The following ANO10 variants were observed in gnomAD, a reference collection of about 807,000 sequenced individuals.
ANO10 encodes anoctamin 10.
ANO10 carries 77 observed loss-of-function variants against 74.7 expected under a neutral mutation model. The observed-to-expected ratio is 1.03, with a 90% CI of 0.86 to 1.25. The LOEUF is 1.25. ANO10 is among the 50% of genes most tolerant of loss of function. The pLI is 0.00. For missense variants in ANO10, 721 were observed against 778.1 expected (o/e 0.93, Z 0.87); for synonymous variants, 279 against 284.9 (o/e 0.98, Z 0.21).
chr3:43,532,311 A>C (rs1029241224), intron 11 of ANO10, among the ~76,000 whole-genome samples: 1 of 152,186 alleles, frequency 6.6e-6, no homozygotes, highest in Non-Finnish European at 1.5e-5. Flanking sequence ...AGGGGAGAAA[A>C]AGCCATCATC....
chr3:43,588,193 T>A (rs1025324272), intron 4 of ANO10, among the ~76,000 whole-genome samples: 17 of 152,192 alleles, frequency 1.1e-4, no homozygotes, highest in Non-Finnish European at 2.4e-4. Flanking sequence ...AAAATTAGCA[T>A]GCCTTACAAG....
chr3:43,634,921 A>T (rs917819434), intron 1 of ANO10, among the ~76,000 whole-genome samples: 14 of 152,124 alleles, frequency 9.2e-5, no homozygotes, highest in African/African-American at 3.1e-4. Flanking sequence ...GGCATGTGTG[A>T]ATTAGGCAGC....
chr3:43,564,543 A>G (rs2080214760), intron 8 of ANO10, among the ~76,000 whole-genome samples: 1 of 152,214 alleles, frequency 6.6e-6, no homozygotes, highest in African/African-American at 2.4e-5. Context: ...CACTTTGTTT[A>G]CTGCTTTTCT....
At chr3:43,595,484 C>T (rs528570393) in intron 4 of ANO10, among the ~76,000 whole-genome samples, 3 of 152,118 alleles carry the variant, frequency 2.0e-5, no homozygotes, top group African/African-American at 2.4e-5. Context: ...CATAATCCAT[C>T]GTATAAACAG....
intron 1 of ANO10, chr3:43,691,153 G>A: frequency 3.6e-6 from 4 of 1,126,106 alleles, no homozygotes; most frequent in African/African-American, 1.6e-5. Context: ...GCGACGACGG[G>A]CGGCTTCCTC....
At chr3:43,388,285 T>C (rs375657788) in intron 12 of ANO10, among the ~76,000 whole-genome samples, 5 of 152,078 alleles carry the variant, frequency 3.3e-5, no homozygotes, top group African/African-American at 1.2e-4. Flanking sequence ...TGGGCTGAGA[T>C]AGGGTTTTGA....
At chr3:43,582,495 G>A (rs753358291) in intron 4 of ANO10, among the ~76,000 whole-genome samples, 33 of 151,762 alleles carry the variant, frequency 2.2e-4, no homozygotes, top group Non-Finnish European at 4.3e-4. Context: ...ACTACATAGA[G>A]ACAATGTATT....
In ANO10 at chr3:43,488,940, A is replaced by G. The variant is rs2076609803; in HGVS notation, c.1798-56213T>C. Among the ~76,000 whole-genome samples the G allele has an allele frequency of 2.6e-5, 4 of 151,542 alleles. No individual in the cohort carries two copies. In the South Asian group the frequency reaches 8.3e-4, roughly 32 times the overall value. On this transcript the variant is annotated intron_variant, in intron 11 of 12. Coordinates refer to ENST00000292246, the MANE Select transcript of ANO10 (RefSeq NM_018075.5). ...CAAGCCAAATGTCCAACAATGATAG[A>G]CTGGATTAAGAAAATGTGGCACATA...
chr3:43,609,557 TAATGAC>T (rs2082715590), intron 1 of ANO10, among the ~76,000 whole-genome samples: 1 of 152,182 alleles, frequency 6.6e-6, no homozygotes, highest in Non-Finnish European at 1.5e-5. Flanking sequence ...ATACATCACT[TAATGAC>T]AAAGACAGTT....
At chr3:43,460,100 A>G (rs1298048808) in intron 11 of ANO10, among the ~76,000 whole-genome samples, 1 of 152,238 alleles carries the variant, frequency 6.6e-6, no homozygotes, top group Non-Finnish European at 1.5e-5. Flanking sequence ...AATGGGAAGA[A>G]GGCCATCAGC....
chr3:43,438,747 TAA>T (rs34487959), intron 11 of ANO10, among the ~76,000 whole-genome samples: 11 of 143,410 alleles, frequency 7.7e-5, no homozygotes, highest in Non-Finnish European at 1.4e-4. Context: ...AACTCTGTCT[TAA>T]AAAAAAAAAA....
At chr3:43,485,883 C>T (rs1171072274) in intron 11 of ANO10, 6 of 249,134 alleles carry the variant, frequency 2.4e-5, no homozygotes, top group East Asian at 1.4e-4. Flanking sequence ...ACCTTCATGG[C>T]GTCCTCTCCG....
intron 4 of ANO10, among the ~76,000 whole-genome samples, chr3:43,584,993 T>C (rs1052626098): frequency 6.6e-6 from 1 of 152,118 alleles, no homozygotes; most frequent in African/African-American, 2.4e-5. Flanking sequence ...AAGATGAAAA[T>C]AGCTTTTCCT....
chr3:43,681,720 A>G (rs2084203973), intron 1 of ANO10, among the ~76,000 whole-genome samples: 1 of 152,236 alleles, frequency 6.6e-6, no homozygotes, highest in Non-Finnish European at 1.5e-5. Context: ...AGAAATTATA[A>G]CAAACTGTCT....
At chr3:43,502,028 C>T (rs558894461) in intron 11 of ANO10, among the ~76,000 whole-genome samples, 9 of 152,094 alleles carry the variant, frequency 5.9e-5, no homozygotes, top group South Asian at 2.1e-4. Context: ...GGTGAGAATA[C>T]GGAGAAATTG....
intron 12 of ANO10, among the ~76,000 whole-genome samples, chr3:43,426,234 C>T (rs1050449615): frequency 1.3e-5 from 2 of 152,162 alleles, no homozygotes; most frequent in African/African-American, 4.8e-5. Context: ...CTGCCTTGGG[C>T]ACTTTCTCAG....
intron 12 of ANO10, among the ~76,000 whole-genome samples, chr3:43,391,246 C>T (rs919343525): frequency 6.6e-6 from 1 of 152,136 alleles, no homozygotes; most frequent in African/African-American, 2.4e-5. Context: ...ACTTCTCAAA[C>T]TGTATCAAAA....
rs776954907 is a variant in ANO10, at chr3:43,366,815, C to T, written c.*91G>A. The T allele has an allele frequency of 2.9e-4, 396 of 1,347,846 alleles. 1 individual carries two copies. Among genetic ancestry groups the T allele is most frequent in the Non-Finnish European group, 1.7e-4 (165 of 964,718 alleles). 83.5% of individuals were successfully genotyped at this position (1,347,846 alleles called of 1,614,324 possible). On this transcript the variant is annotated 3_prime_UTR_variant, in exon 13 of 13. Coordinates refer to ENST00000292246, the MANE Select transcript of ANO10 (RefSeq NM_018075.5). ...GCATTGGGTCTGGGTTCAGGAGCCA[C>T]GATGCTGCCCCGGGTACCCCCCCTG...
intron 11 of ANO10, among the ~76,000 whole-genome samples, chr3:43,435,854 C>A (rs922159460): frequency 2.6e-5 from 4 of 152,190 alleles, no homozygotes; most frequent in African/African-American, 4.8e-5. Flanking sequence ...ACCCCTACCC[C>A]TAGGCAAATA....
Sources: gnomAD v4.1 joint callset for allele counts (sites outside exome capture counted in the v4.1 genomes callset) on GRCh38, gnomAD v4.1.1 for gene constraint, MANE v1.5 for transcripts, NCBI Gene and HGNC (gene_info 2026-07-23, HGNC 2026-07-21) for gene names.